Variants in LIN52 observed in about 807,000 individuals in gnomAD.
The protein encoded by LIN52 is protein lin-52 homolog.
A neutral mutation model predicts 18.5 loss-of-function variants in LIN52; 4 were observed. That is an observed-to-expected ratio of 0.22 (90% CI 0.11 to 0.49). The LOEUF (loss-of-function observed/expected upper bound fraction) is 0.49, where lower values mean the gene tolerates loss of function less well. Ranked by LOEUF, LIN52 falls within the 20% of genes least tolerant of loss-of-function variation. The pLI is 0.97. For synonymous variants in LIN52, 34 were observed against 45.5 expected (o/e 0.75, Z 1.02); for missense variants, 102 against 139.5 (o/e 0.73, Z 1.35).
At chr14:74,167,462 G>A (rs1406361501) in intron 5 of LIN52, among the ~76,000 whole-genome samples, 1 of 151,920 alleles carries the variant, frequency 6.6e-6, no homozygotes, top group Non-Finnish European at 1.5e-5. Flanking sequence ...TCAATAGTTG[G>A]CTAATGTTGG....
chr14:74,154,669 T>G (rs1566862322), intron 5 of LIN52, among the ~76,000 whole-genome samples: 1 of 152,204 alleles, frequency 6.6e-6, no homozygotes. Flanking sequence ...TTTTAATTAG[T>G]AATGGGCAAT....
intron 5 of LIN52, among the ~76,000 whole-genome samples, chr14:74,139,663 C>CTGCTATAGAT (rs2061118105): frequency 6.6e-6 from 1 of 152,106 alleles, no homozygotes; most frequent in Non-Finnish European, 1.5e-5. Flanking sequence ...TGAGCAGAAC[C>CTGCTATAGAT]TGCTATAGAT....
At chr14:74,127,400 G>A (rs1385163458) in intron 5 of LIN52, among the ~76,000 whole-genome samples, 1 of 152,184 alleles carries the variant, frequency 6.6e-6, no homozygotes, top group African/African-American at 2.4e-5. Flanking sequence ...GTAGTGGGAA[G>A]GTGCACAGTG....
chr14:74,117,484 C>CGG (rs759144259), intron 5 of LIN52, among the ~76,000 whole-genome samples: 1 of 148,468 alleles, frequency 6.7e-6, no homozygotes, highest in Admixed American at 6.7e-5. Context: ...TTTTTTTTGG[C>CGG]GGGGGGGCTT....
chr14:74,158,123 A>ATTTTTT (rs757112159), intron 5 of LIN52, among the ~76,000 whole-genome samples: 7 of 147,304 alleles, frequency 4.8e-5, no homozygotes, highest in Admixed American at 1.4e-4. Context: ...ATATATATAT[A>ATTTTTT]TATTTTTTTG....
intron 1 of LIN52, among the ~76,000 whole-genome samples, chr14:74,088,140 G>A (rs1219473592): frequency 6.6e-6 from 1 of 152,048 alleles, no homozygotes; most frequent in East Asian, 1.9e-4. Flanking sequence ...ACCCAGGCTG[G>A]AGTGCTGTGG....
chr14:74,102,780 T>C (rs1028224786), intron 5 of LIN52, among the ~76,000 whole-genome samples: 3 of 152,242 alleles, frequency 2.0e-5, no homozygotes, highest in South Asian at 2.1e-4. Context: ...TTGTCAGTAG[T>C]ATTATCTATA....
At chr14:74,145,970 A>C (rs1044172827) in intron 5 of LIN52, among the ~76,000 whole-genome samples, 1 of 152,306 alleles carries the variant, frequency 6.6e-6, no homozygotes, top group South Asian at 2.1e-4. Context: ...TGCAGATTCT[A>C]TGACGTGAAA....
chr14:74,131,751 G>T (rs925018305), intron 5 of LIN52, among the ~76,000 whole-genome samples: 2 of 152,080 alleles, frequency 1.3e-5, no homozygotes, highest in Middle Eastern at 3.2e-3. Flanking sequence ...TGAATTTTCT[G>T]TTATACTGTT....
intron 5 of LIN52, among the ~76,000 whole-genome samples, chr14:74,117,623 T>C (rs552404560): frequency 2.4e-4 from 37 of 152,318 alleles, no homozygotes; most frequent in African/African-American, 8.9e-4. Flanking sequence ...GGAAATAAAT[T>C]GGCATTTTTC....
intron 1 of LIN52, among the ~76,000 whole-genome samples, chr14:74,090,326 TTTTG>T (rs565819770): frequency 2.1e-4 from 32 of 150,430 alleles, no homozygotes; most frequent in Admixed American, 4.7e-4. Context: ...CCCTGGTGTT[TTTTG>T]TTTGTTTGTT....
intron 5 of LIN52, among the ~76,000 whole-genome samples, chr14:74,141,434 T>C (rs958903392): frequency 4.6e-5 from 7 of 152,252 alleles, no homozygotes; most frequent in African/African-American, 1.4e-4. Context: ...TTTCACTATA[T>C]GGATGTACCA....
intron 5 of LIN52, among the ~76,000 whole-genome samples, chr14:74,170,951 C>G (rs551625347): frequency 6.7e-4 from 101 of 150,032 alleles, no homozygotes; most frequent in Non-Finnish European, 1.2e-3. Flanking sequence ...GATACTGTGG[C>G]TGGTATATTG....
chr14:74,120,802 G>C (rs2060995262), intron 5 of LIN52, among the ~76,000 whole-genome samples: 1 of 151,124 alleles, frequency 6.6e-6, no homozygotes, highest in Non-Finnish European at 1.5e-5. Flanking sequence ...TGCGCCTGTA[G>C]TCCCAGCTAC....
intron 5 of LIN52, among the ~76,000 whole-genome samples, chr14:74,162,908 C>T (rs1451872466): frequency 6.6e-6 from 1 of 152,132 alleles, no homozygotes; most frequent in Non-Finnish European, 1.5e-5. Context: ...GTAGTGAACT[C>T]AGGGACTGTG....
chr14:74,159,671 A>G (rs903561495), intron 5 of LIN52, among the ~76,000 whole-genome samples: 3 of 151,734 alleles, frequency 2.0e-5, no homozygotes, highest in Non-Finnish European at 4.4e-5. Context: ...TCCTGGGTTC[A>G]AGTAATTCTC....
At chr14:74,172,662 A>G (rs1295409767) in intron 5 of LIN52, among the ~76,000 whole-genome samples, 1 of 152,196 alleles carries the variant, frequency 6.6e-6, no homozygotes, top group Non-Finnish European at 1.5e-5. Context: ...AGTAAGAGGT[A>G]AGAAGTATAA....
At chr14:74,098,519 A>G (rs1447489921) in intron 4 of LIN52, among the ~76,000 whole-genome samples, 2 of 151,506 alleles carry the variant, frequency 1.3e-5, no homozygotes, top group African/African-American at 2.4e-5. Context: ...CTATCTCAAA[A>G]AAAAAAAAAA....
At chr14:74,088,597 T>G (rs1312983205) in intron 1 of LIN52, among the ~76,000 whole-genome samples, 1 of 152,228 alleles carries the variant, frequency 6.6e-6, no homozygotes, top group Non-Finnish European at 1.5e-5. Context: ...TTTGGATGCT[T>G]TAATTAAGGC....
Sources: allele counts gnomAD v4.1 joint callset (sites outside exome capture counted in the v4.1 genomes callset), GRCh38; gene constraint gnomAD v4.1.1; transcripts MANE v1.5; gene names NCBI Gene and HGNC (gene_info 2026-07-23, HGNC 2026-07-21).